The following GRID2 variants were observed in gnomAD, a reference collection of about 807,000 sequenced individuals.
GRID2 encodes glutamate receptor ionotropic, delta-2.
A neutral mutation model predicts 114.8 loss-of-function variants in GRID2; 33 were observed. That is an observed-to-expected ratio of 0.29 (90% CI 0.22 to 0.38). The LOEUF (loss-of-function observed/expected upper bound fraction) is 0.38. Among genes scored for constraint, GRID2 ranks in the 10% least tolerant of loss-of-function variants. The pLI is 1.00. For synonymous variants in GRID2, 505 were observed against 449.9 expected, an observed-to-expected ratio of 1.12 and a Z score of -1.55; for missense variants, 1,184 against 1,257.7, an observed-to-expected ratio of 0.94 and a Z score of 0.89.
intron 2 of GRID2, among the ~76,000 whole-genome samples, chr4:92,730,194 C>T (rs1048735809): frequency 7.3e-5 from 11 of 151,612 alleles, no homozygotes; most frequent in African/African-American, 2.7e-4. Flanking sequence ...TAATATACTC[C>T]TCAACAATGT....
chr4:92,797,606 T>C (rs116751976), intron 2 of GRID2, among the ~76,000 whole-genome samples: 1,539 of 152,102 alleles, frequency 0.01, 19 homozygotes, highest in African/African-American at 0.036. Context: ...ACTTTTTCAA[T>C]ATATTTTTGT....
intron 10 of GRID2, among the ~76,000 whole-genome samples, chr4:93,438,660 A>C (rs1721331328): frequency 6.6e-6 from 1 of 152,110 alleles, no homozygotes; most frequent in Non-Finnish European, 1.5e-5. Flanking sequence ...AATGAGTCTG[A>C]GGAAAGTTAA....
intron 1 of GRID2, among the ~76,000 whole-genome samples, chr4:92,467,303 CTTATATA>C (rs1721805731): frequency 6.6e-6 from 1 of 151,736 alleles, no homozygotes; most frequent in Non-Finnish European, 1.5e-5. Flanking sequence ...TTCTAAACAC[CTTATATA>C]TTATGTATTA....
At chr4:93,298,116 G>A (rs1214129084) in intron 8 of GRID2, among the ~76,000 whole-genome samples, 1 of 152,036 alleles carries the variant, frequency 6.6e-6, no homozygotes, top group Non-Finnish European at 1.5e-5. Flanking sequence ...GCCCAAATAT[G>A]GTCCTTGTTA....
At chr4:92,431,854 T>C (rs1732471307) in intron 1 of GRID2, among the ~76,000 whole-genome samples, 1 of 152,232 alleles carries the variant, frequency 6.6e-6, no homozygotes. Flanking sequence ...TTATGCTTGT[T>C]TGTACCCATT....
intron 13 of GRID2, among the ~76,000 whole-genome samples, chr4:93,521,922 A>G (rs1730375045): frequency 6.6e-6 from 1 of 152,172 alleles, no homozygotes; most frequent in African/African-American, 2.4e-5. Flanking sequence ...AATGCTGAGT[A>G]ATGAGAGGAG....
chr4:93,558,359 A>G (rs1172325483), intron 13 of GRID2, among the ~76,000 whole-genome samples: 3 of 152,192 alleles, frequency 2.0e-5, no homozygotes, highest in Non-Finnish European at 1.5e-5. Flanking sequence ...TAAAGAAAAA[A>G]AGAGAGAAGA....
At chr4:93,034,765 A>T (rs918450603) in intron 2 of GRID2, among the ~76,000 whole-genome samples, 3 of 152,196 alleles carry the variant, frequency 2.0e-5, no homozygotes, top group Admixed American at 6.6e-5. Flanking sequence ...TTTTATACAC[A>T]GTATATTAAA....
intron 1 of GRID2, among the ~76,000 whole-genome samples, chr4:92,471,743 T>C (rs1722044318): frequency 6.6e-6 from 1 of 152,042 alleles, no homozygotes; most frequent in Non-Finnish European, 1.5e-5. Flanking sequence ...TGCTTCTCTG[T>C]AATTCTTCTC....
At chr4:92,757,663 T>G (rs1477238140) in intron 2 of GRID2, among the ~76,000 whole-genome samples, 2 of 151,958 alleles carry the variant, frequency 1.3e-5, no homozygotes, top group Non-Finnish European at 2.9e-5. Context: ...GGGCCATAAA[T>G]TCAGCTCAAG....
intron 2 of GRID2, among the ~76,000 whole-genome samples, chr4:93,059,180 G>A (rs1260916501): frequency 1.3e-5 from 2 of 152,044 alleles, no homozygotes; most frequent in African/African-American, 4.8e-5. Context: ...GAAATGCATG[G>A]CAGAAATACA....
chr4:92,929,492 A>G (rs964216444), intron 2 of GRID2, among the ~76,000 whole-genome samples: 2 of 151,504 alleles, frequency 1.3e-5, no homozygotes, highest in Admixed American at 1.3e-4. Context: ...GTTTTTGTAT[A>G]GTAAGTATGG....
chr4:92,441,484 G>T (rs1733074107), intron 1 of GRID2, among the ~76,000 whole-genome samples: 1 of 152,232 alleles, frequency 6.6e-6, no homozygotes, highest in Admixed American at 6.5e-5. Context: ...GTAGAGGCAG[G>T]TATTGAGGAT....
rs766711767 is a variant in GRID2, at chr4:93,238,421, C to T, written c.1176C>T (p.Gly392=). 1.2e-6 allele frequency: 2 copies of T among 1,605,834 alleles called. No homozygotes were observed. Among genetic ancestry groups the T allele is most frequent in the East Asian group, 4.5e-5 (2 of 44,700 alleles). The part of the protein sequence containing the change: ...TGELEFGENG[G]NPNVHFEILG... ...AGCTAGAATTTGGAGAAAATGGAGGCAATCCCAATGTCCACTTTGAAATCC... is the reference window on the plus strand; with the variant it reads ...AGCTAGAATTTGGAGAAAATGGAGGTAATCCCAATGTCCACTTTGAAATCC... Residue 392 remains glycine, a synonymous_variant, in exon 8 of 16, where the codon GGC becomes GGT. Transcript: ENST00000282020.
intron 14 of GRID2, among the ~76,000 whole-genome samples, chr4:93,724,273 C>T (rs1456761030): frequency 6.6e-6 from 1 of 152,086 alleles, no homozygotes; most frequent in African/African-American, 2.4e-5. Context: ...TGTCATCTTC[C>T]TGAGGTGGAG....
At chr4:93,363,619 CCTT>C (rs1762076456) in intron 8 of GRID2, among the ~76,000 whole-genome samples, 1 of 151,894 alleles carries the variant, frequency 6.6e-6, no homozygotes. Context: ...TATGTATTTA[CCTT>C]CTTTTGTGAC....
At chr4:93,453,244 G>T (rs1376152643) in intron 10 of GRID2, among the ~76,000 whole-genome samples, 1 of 149,540 alleles carries the variant, frequency 6.7e-6, no homozygotes, top group Admixed American at 6.7e-5. Context: ...ACAGTGTTCT[G>T]CTGTATCATT....
intron 2 of GRID2, among the ~76,000 whole-genome samples, chr4:92,604,846 C>T (rs762292031): frequency 6.6e-6 from 1 of 152,028 alleles, no homozygotes; most frequent in African/African-American, 2.4e-5. Flanking sequence ...CCTTTTTCCA[C>T]CCAAATCTCA....
chr4:93,611,100 G>A (rs1438472148), intron 13 of GRID2, among the ~76,000 whole-genome samples: 10 of 116,080 alleles, frequency 8.6e-5, no homozygotes, highest in Admixed American at 1.7e-4. Context: ...GTTTATTTGC[G>A]TAGAGGTGTT....
Sources: allele counts gnomAD v4.1 joint callset (sites outside exome capture counted in the v4.1 genomes callset), GRCh38; gene constraint gnomAD v4.1.1; transcripts MANE v1.5; gene names NCBI Gene and HGNC (gene_info 2026-07-23, HGNC 2026-07-21).